The following GPR171 variants were observed in gnomAD, a reference collection of about 807,000 sequenced individuals.
GPR171 encodes the protein G protein-coupled receptor 171.
In GPR171, 14 loss-of-function variants were observed where a neutral mutation model predicts 16.7. The observed-to-expected ratio is 0.84, with a 90% CI of 0.55 to 1.31. The LOEUF (loss-of-function observed/expected upper bound fraction) is 1.31, where lower values mean the gene tolerates loss of function less well. Among genes scored for constraint, GPR171 ranks in the 40% most tolerant of loss-of-function variants. GPR171 has a pLI of 0.00. For synonymous variants in GPR171, 134 were observed against 135.6 expected (o/e 0.99, Z 0.08); for missense variants, 337 against 378.9 (o/e 0.89, Z 0.92).
Position 151,199,160 on chromosome 3 carries a change from C to T in GPR171, c.227G>A (p.Gly76Asp), listed in dbSNP as rs766662546. Reference sequence around the variant, plus strand: ...TATCTTCAGCTTCCAAGGTGCCACACCCAAGTCAACAACAATTTTCACTGG... The same window carrying T: ...TATCTTCAGCTTCCAAGGTGCCACATCCAAGTCAACAACAATTTTCACTGG... ...ALPVKIVVDL[G>D]VAPWKLKIFH... The change falls in exon 3 of 3, where the codon GGT becomes GAT. Residue 76 changes from glycine (G) to aspartate (D), a missense_variant. Physicochemically the swap from Gly to Asp is moderately conservative, Grantham distance 94 (BLOSUM62 -1). Transcript: ENST00000309180. The T allele has an allele frequency of 6.2e-7, 1 of 1,614,156 alleles. No homozygotes were observed. Among genetic ancestry groups the T allele is most frequent in the South Asian group, 1.1e-5 (1 of 91,074 alleles).
In GPR171 at chr3:151,198,433, A is replaced by G; in HGVS notation, c.954T>C (p.Asn318=). The change falls in exon 3 of 3, where the codon AAT becomes AAC. Residue 318 remains asparagine, a synonymous_variant. Coordinates refer to ENST00000309180, the MANE Select transcript of GPR171 (RefSeq NM_013308.4). ...GCACAAAAAATCCTGTCTTTTATGC[A>G]TTATTTTCACATCTTAATTTTTCTT... ...AQKEKLRCEN[N]A The G allele has an allele frequency of 1.2e-6, 2 of 1,601,066 alleles. No homozygotes were observed. Among genetic ancestry groups the G allele is most frequent in the Non-Finnish European group, 1.7e-6 (2 of 1,171,722 alleles).
In GPR171 at chr3:151,198,328, C is replaced by A; in HGVS notation, c.*99G>T. 1 of 943,320 alleles carries A rather than the reference C, an allele frequency of 1.1e-6. No individual in the cohort carries two copies. Among genetic ancestry groups the A allele is most frequent in the Non-Finnish European group, 1.5e-6 (1 of 664,462 alleles). 58.4% of individuals were successfully genotyped at this position (943,320 alleles called of 1,614,324 possible). A position where few individuals can be genotyped will look rare whatever the true frequency, so the allele number is the denominator to read the frequency against. ...TGCTAGCTAACTGTATTTTTTCATA[C>A]TGAGTTTTTTTTTGTTTTTTTTTTT... On this transcript the variant is annotated 3_prime_UTR_variant, in exon 3 of 3. Transcript: ENST00000309180.
Position 151,199,053 on chromosome 3 carries a change from G to A in GPR171, c.334C>T (p.Arg112Cys), listed in dbSNP as rs757701419. 5 of 1,613,838 alleles carry A rather than the reference G, an allele frequency of 3.1e-6. No individual in the cohort carries two copies. Among genetic ancestry groups the A allele is most frequent in the South Asian group, 1.1e-5 (1 of 91,070 alleles). Residue 112 changes from arginine (R) to cysteine (C), a missense_variant, in exon 3 of 3, where the codon CGC (arginine) becomes TGC (cysteine). Coordinates refer to ENST00000309180, the MANE Select transcript of GPR171 (RefSeq NM_013308.4). ...CAGCTGTGTGTCAGCTGAAGACAGCGGTCAATGCTGACAAATGCTAAGAAG... is the reference window on the plus strand; with the variant it reads ...CAGCTGTGTGTCAGCTGAAGACAGCAGTCAATGCTGACAAATGCTAAGAAG... ...IIFLAFVSID[R>C]CLQLTHSCKI...
Position 151,198,381 on chromosome 3 carries a change from T to C in GPR171, c.*46A>G, listed in dbSNP as rs749151730. ...TATCTTTCAAAGCTATAATTAACTT[T>C]ATGGTCCAGTAAGGCCAGAATTGGT... is the stretch of plus-strand genomic sequence containing the variant. On this transcript the variant is annotated 3_prime_UTR_variant, in exon 3 of 3. Transcript: ENST00000309180. 4 of 1,386,452 alleles carry C rather than the reference T, an allele frequency of 2.9e-6. No homozygotes were observed. Among genetic ancestry groups the C allele is most frequent in the Non-Finnish European group, 2.9e-6 (3 of 1,034,886 alleles). The allele number at this position is 1,386,452 out of a possible 1,614,324, so 85.9% of individuals were successfully genotyped here.
rs1169260975 is a variant in GPR171, at chr3:151,197,996, T to TA, written c.*430dup. ...GTTGTTATATGTAAGCTGCATTTTT[T>TA]AAAAGTAATCTGAAAGGCTTTAAAA... is the stretch of plus-strand genomic sequence containing the variant. On this transcript the variant is annotated 3_prime_UTR_variant, in exon 3 of 3. Coordinates refer to ENST00000309180, the MANE Select transcript of GPR171 (RefSeq NM_013308.4). The TA allele has an allele frequency of 6.5e-6, 1 of 153,176 alleles. No individual in the cohort carries two copies. The highest frequency in any genetic ancestry group is 2.4e-5 in the African/African-American group (1 of 41,468). 9.5% of individuals were successfully genotyped at this position (153,176 alleles called of 1,614,324 possible). A position where few individuals can be genotyped will look rare whatever the true frequency, so the allele number is the denominator to read the frequency against.
At position 151,199,127 on chromosome 3, in the gene GPR171, C is replaced by T. The variant is rs1347247758; in HGVS notation, c.260G>A (p.Cys87Tyr). The T allele has an allele frequency of 6.2e-7, 1 of 1,614,016 alleles. No individual in the cohort carries two copies. The highest frequency in any genetic ancestry group is 8.5e-7 in the Non-Finnish European group (1 of 1,179,916). Residue 87 changes from cysteine to tyrosine, a missense_variant, in exon 3 of 3, where the codon TGC becomes TAC. Cys to Tyr is a radical substitution (Grantham distance 194). Coordinates refer to ENST00000309180, the MANE Select transcript of GPR171 (RefSeq NM_013308.4). ...ATAGATGAGGCAGGCTGTTACTTGG[C>T]AGTGGAATATCTTCAGCTTCCAAGG... ...VAPWKLKIFH[C>Y]QVTACLIYIN...
rs1725139845 is a variant in GPR171, at chr3:151,199,142, A to C, written c.245T>G (p.Leu82Arg). 6.2e-7 allele frequency: 1 copy of C among 1,614,046 alleles called. No homozygotes were observed. Among genetic ancestry groups the C allele is most frequent in the Admixed American group, 1.7e-5 (1 of 59,996 alleles). ...TGTTACTTGGCAGTGGAATATCTTC[A>C]GCTTCCAAGGTGCCACACCCAAGTC... is the stretch of plus-strand genomic sequence containing the variant. ...VVDLGVAPWKLKIFHCQVTAC... is the reference protein window; with the variant it reads ...VVDLGVAPWKRKIFHCQVTAC... Residue 82 changes from leucine to arginine, a missense_variant, in exon 3 of 3, where the codon CTG becomes CGG. Transcript: ENST00000309180.
chr3:151,199,174 A>C lies in GPR171; in HGVS notation c.213T>G (p.Ile71Met). The C allele has an allele frequency of 6.2e-7, 1 of 1,614,248 alleles. No individual in the cohort carries two copies. Among genetic ancestry groups the C allele is most frequent in the Non-Finnish European group, 8.5e-7 (1 of 1,180,034 alleles). The change falls in exon 3 of 3, where the codon ATT becomes ATG. Residue 71 changes from isoleucine to methionine, a missense_variant. Physicochemically the swap from Ile to Met is conservative, Grantham distance 10. Transcript: ENST00000309180. Reference protein sequence around the residue: ...FLLTLALPVKIVVDLGVAPWK... With the variant: ...FLLTLALPVKMVVDLGVAPWK... ...AAGGTGCCACACCCAAGTCAACAACAATTTTCACTGGTAATGCCAGAGTAA... is the reference window on the plus strand; with the variant it reads ...AAGGTGCCACACCCAAGTCAACAACCATTTTCACTGGTAATGCCAGAGTAA...
intron 1 of GPR171, among the ~76,000 whole-genome samples, chr3:151,202,521 A>G (rs756268761): frequency 7.9e-5 from 12 of 152,258 alleles, no homozygotes; most frequent in Non-Finnish European, 1.5e-4. Context: ...AAATACAAAA[A>G]TTAGCCAACG....
chr3:151,203,177 C>T lies in GPR171; in HGVS notation c.-216G>A, dbSNP rs1225980067. ...GAGAAGCATGAGCTGTTTGGTTAGCCGCAGCAGTAGCAACCCCATTGCAGG... is the reference window on the plus strand; with the variant it reads ...GAGAAGCATGAGCTGTTTGGTTAGCTGCAGCAGTAGCAACCCCATTGCAGG... On this transcript the variant is annotated 5_prime_UTR_variant, in exon 1 of 3. Coordinates refer to ENST00000309180, the MANE Select transcript of GPR171 (RefSeq NM_013308.4). 6.6e-6 allele frequency: 1 copy of T among 152,132 alleles called. No individual in the cohort carries two copies. Among genetic ancestry groups the T allele is most frequent in the Non-Finnish European group, 1.5e-5 (1 of 68,034 alleles). The allele number at this position is 152,132 out of a possible 1,614,324, so 9.4% of individuals were successfully genotyped here.
intron 1 of GPR171, among the ~76,000 whole-genome samples, chr3:151,202,625 G>A (rs932077032): frequency 8.5e-5 from 13 of 152,136 alleles, no homozygotes; most frequent in African/African-American, 1.2e-4. Context: ...AGCTGAGATC[G>A]CACCACTGCA....
At chr3:151,201,221 A>ACTCTCT (rs199616990) in intron 1 of GPR171, among the ~76,000 whole-genome samples, 11 of 148,992 alleles carry the variant, frequency 7.4e-5, no homozygotes, top group African/African-American at 2.6e-4. Flanking sequence ...CCACGTGCAC[A>ACTCTCT]CACTCTCTCT....
Position 151,199,098 on chromosome 3 carries a change from T to G in GPR171, c.289A>C (p.Asn97His). Residue 97 changes from asparagine to histidine, a missense_variant, in exon 3 of 3, where the codon AAT becomes CAT. Coordinates refer to ENST00000309180, the MANE Select transcript of GPR171 (RefSeq NM_013308.4). ...CQVTACLIYI[N>H]MYLSIIFLAF... ...AAGAAGATAATTGATAAATACATAT[T>G]GATATAGATGAGGCAGGCTGTTACT... 6.2e-7 allele frequency: 1 copy of G among 1,614,006 alleles called. No individual in the cohort carries two copies. Among genetic ancestry groups the G allele is most frequent in the Non-Finnish European group, 8.5e-7 (1 of 1,179,860 alleles).
chr3:151,198,837 A>G lies in GPR171; in HGVS notation c.550T>C (p.Cys184Arg). Residue 184 changes from cysteine to arginine, a missense_variant, in exon 3 of 3, where the codon TGT becomes CGT. Cys to Arg is a radical substitution (Grantham distance 180). Transcript: ENST00000309180. ...RNWHLLTNFI[C>R]VAIFLNFSAI... ...GAGAAATTTAAAAATATTGCTACAC[A>G]TATGAAATTTGTCAGCAAATGCCAA... is the stretch of plus-strand genomic sequence containing the variant. 1 of 1,613,504 alleles carries G rather than the reference A, an allele frequency of 6.2e-7. No individual in the cohort carries two copies. Among genetic ancestry groups the G allele is most frequent in the Non-Finnish European group, 8.5e-7 (1 of 1,179,384 alleles).
intron 1 of GPR171, 117 bp downstream of exon 1, chr3:151,202,987 T>C (rs1406458821): frequency 4.0e-5 from 6 of 149,632 alleles, no homozygotes. Flanking sequence ...TAAAAATTGA[T>C]GCTTTTTTTT....
intron 1 of GPR171, among the ~76,000 whole-genome samples, chr3:151,201,873 T>C (rs867647505): frequency 6.6e-6 from 1 of 152,232 alleles, no homozygotes; most frequent in East Asian, 1.9e-4. Flanking sequence ...ATTTCAAATA[T>C]TACATAATAA....
Position 151,198,446 on chromosome 3 carries a change from C to T in GPR171, c.941G>A (p.Arg314Lys). The part of the protein sequence containing the change: ...KETKAQKEKL[R>K]CENNA ...TGTCTTTTATGCATTATTTTCACATCTTAATTTTTCTTTCTGAGCCTTGGT... is the reference window on the plus strand; with the variant it reads ...TGTCTTTTATGCATTATTTTCACATTTTAATTTTTCTTTCTGAGCCTTGGT... Residue 314 changes from arginine (R) to lysine (K), a missense_variant, in exon 3 of 3, where the codon AGA becomes AAA. Arg to Lys is a conservative substitution (Grantham distance 26). Transcript: ENST00000309180. 6.2e-7 allele frequency: 1 copy of T among 1,604,644 alleles called. No homozygotes were observed. The highest frequency in any genetic ancestry group is 8.5e-7 in the Non-Finnish European group (1 of 1,174,568).
chr3:151,202,049 T>C (rs190464166), intron 1 of GPR171, among the ~76,000 whole-genome samples: 11 of 152,356 alleles, frequency 7.2e-5, no homozygotes, highest in Non-Finnish European at 7.3e-5. Context: ...ATGAATAATT[T>C]ATCTGAAATG....
chr3:151,198,367 G>C lies in GPR171; in HGVS notation c.*60C>G. ...GTTTTTTTTTTTTTTATCTTTCAAAGCTATAATTAACTTTATGGTCCAGTA... is the reference window on the plus strand; with the variant it reads ...GTTTTTTTTTTTTTTATCTTTCAAACCTATAATTAACTTTATGGTCCAGTA... On this transcript the variant is annotated 3_prime_UTR_variant, in exon 3 of 3. Coordinates refer to ENST00000309180, the MANE Select transcript of GPR171 (RefSeq NM_013308.4). 1 of 983,302 alleles carries C rather than the reference G, an allele frequency of 1.0e-6. No homozygotes were observed. The highest frequency in any genetic ancestry group is 1.4e-6 in the Non-Finnish European group (1 of 710,836). 60.9% of individuals were successfully genotyped at this position (983,302 alleles called of 1,614,324 possible).
Sources: gnomAD v4.1 joint callset for allele counts (sites outside exome capture counted in the v4.1 genomes callset) on GRCh38, gnomAD v4.1.1 for gene constraint, MANE v1.5 for transcripts, NCBI Gene and HGNC (gene_info 2026-07-23, HGNC 2026-07-21) for gene names.